MAP2K5: variants seen among roughly 807,000 people sequenced by gnomAD.
MAP2K5 encodes dual specificity mitogen-activated protein kinase kinase 5.
Under a neutral mutation model 83.1 loss-of-function variants are expected in MAP2K5, and 49 were observed. The observed-to-expected ratio is 0.59, with a 90% confidence interval of 0.47 to 0.75. MAP2K5 has a LOEUF of 0.75. Ranked by LOEUF, MAP2K5 falls within the 30% of genes least tolerant of loss-of-function variation. The pLI is 0.00. For synonymous variants in MAP2K5, 202 were observed against 191.8 expected (o/e 1.05, Z -0.44); for missense variants, 457 against 557.5 (o/e 0.82, Z 1.82).
At chr15:67,700,992 T>G (rs938879) in intron 15 of MAP2K5, among the ~76,000 whole-genome samples, 149,285 of 151,968 alleles carry the variant, frequency 0.98, 73,393 homozygotes, top group Middle Eastern at 1. Context: ...TGTTTTGATA[T>G]TTCAGTGGGC....
intron 17 of MAP2K5, among the ~76,000 whole-genome samples, chr15:67,733,946 T>C (rs1393353584): frequency 6.6e-6 from 1 of 152,218 alleles, no homozygotes; most frequent in Admixed American, 6.5e-5. Context: ...TGAGAGGAGC[T>C]GTAGGTGGCA....
rs1324299057 is a variant in MAP2K5 at position 67,724,766 on chromosome 15, C to T, written c.1045-3150C>T. Among the ~76,000 whole-genome samples the T allele has an allele frequency of 6.6e-6, 1 of 152,172 alleles. No homozygotes were observed. The highest frequency in any genetic ancestry group is 6.5e-5 in the Admixed American group (1 of 15,278). ...GGATAGAGGCATACATAGAAGGCAG[C>T]GGTCCTCTCCTGGGGCCTTAAAATG... is the stretch of plus-strand genomic sequence containing the variant. On this transcript the variant is annotated intron_variant, in intron 16 of 21. Coordinates refer to ENST00000178640, the MANE Select transcript of MAP2K5 (RefSeq NM_145160.3). This position sits in a 1 kb window ranked among gnomAD's most constrained non-coding sequence, Gnocchi z 4.4.
At chr15:67,703,911 T>C (rs370654512) in intron 16 of MAP2K5, among the ~76,000 whole-genome samples, 1 of 152,192 alleles carries the variant, frequency 6.6e-6, no homozygotes, top group South Asian at 2.1e-4. Context: ...AATCACCTCA[T>C]TCCAGTATAG....
Position 67,757,499 on chromosome 15 carries a change from G to T in MAP2K5, c.1134+8898G>T, listed in dbSNP as rs986921921. 2.2e-4 allele frequency among the ~76,000 whole-genome samples: 34 copies of T among 152,146 alleles called. No individual in the cohort carries two copies. Among genetic ancestry groups the T allele is most frequent in the Non-Finnish European group, 3.4e-4 (23 of 68,030 alleles). ...TCCCACACACCTGCATAAAAGAACT[G>T]AGAGTTCCATAGATTATAGTTTGAA... On this transcript the variant is annotated intron_variant, in intron 19 of 21. Transcript: ENST00000178640. The surrounding 1 kb of genome is among the most constrained non-coding windows in gnomAD (Gnocchi z 4.9).
At chr15:67,683,660 G>A (rs1596788754) in intron 13 of MAP2K5, among the ~76,000 whole-genome samples, 1 of 152,266 alleles carries the variant, frequency 6.6e-6, no homozygotes. Context: ...TACTCAGGAG[G>A]CTGAGGCAGG....
At chr15:67,710,652 C>T (rs563353097) in intron 16 of MAP2K5, among the ~76,000 whole-genome samples, 69 of 152,082 alleles carry the variant, frequency 4.5e-4, no homozygotes, top group African/African-American at 1.3e-3. Context: ...CACAGGCATG[C>T]GCCACCACGC....
At chr15:67,759,885 G>A (rs2089916452) in intron 19 of MAP2K5, among the ~76,000 whole-genome samples, 1 of 152,218 alleles carries the variant, frequency 6.6e-6, no homozygotes, top group Admixed American at 6.5e-5. Flanking sequence ...GTTAATGACT[G>A]AGGCATTAGA....
intron 9 of MAP2K5, among the ~76,000 whole-genome samples, chr15:67,632,329 G>A (rs1401341568): frequency 6.6e-6 from 1 of 152,008 alleles, no homozygotes; most frequent in Non-Finnish European, 1.5e-5. Context: ...TGAACTCCTG[G>A]GCTTAAGCGA....
intron 3 of MAP2K5, among the ~76,000 whole-genome samples, chr15:67,575,326 G>A (rs953416027): frequency 6.8e-6 from 1 of 148,012 alleles, no homozygotes; most frequent in East Asian, 2.1e-4. Context: ...ACAGGAAACC[G>A]AATGGAGTGG....
intron 3 of MAP2K5, among the ~76,000 whole-genome samples, chr15:67,574,235 G>T (rs1346610255): frequency 6.6e-6 from 1 of 152,136 alleles, no homozygotes; most frequent in African/African-American, 2.4e-5. Context: ...CTGGACTGGT[G>T]AGAAGTTAAC....
intron 17 of MAP2K5, among the ~76,000 whole-genome samples, chr15:67,733,358 G>A (rs1178036075): frequency 6.6e-6 from 1 of 152,126 alleles, no homozygotes; most frequent in Non-Finnish European, 1.5e-5. Context: ...CAGTTTATCT[G>A]TTAAAAATCT....
chr15:67,734,730 G>T (rs2089300463), intron 17 of MAP2K5, among the ~76,000 whole-genome samples: 1 of 152,092 alleles, frequency 6.6e-6, no homozygotes, highest in Non-Finnish European at 1.5e-5. Context: ...TTGAAAAGAG[G>T]TATTAGAATC....
At chr15:67,799,541 C>T (rs2141344175) in intron 21 of MAP2K5, among the ~76,000 whole-genome samples, 1 of 152,370 alleles carries the variant, frequency 6.6e-6, no homozygotes, top group East Asian at 1.9e-4. Context: ...ACAGATGAGA[C>T]CCAGAAATGA....
chr15:67,616,184 C>CAG (rs903818142), intron 8 of MAP2K5, among the ~76,000 whole-genome samples: 2 of 3,412 alleles, frequency 5.9e-4, no homozygotes, highest in African/African-American at 6.9e-4. Flanking sequence ...TAAAATGTCA[C>CAG]ACAGAGCAAA....
chr15:67,789,319 A>G lies in MAP2K5; in HGVS notation c.1242+16567A>G, dbSNP rs537849912. Among the ~76,000 whole-genome samples the G allele has an allele frequency of 2.0e-5, 3 of 152,262 alleles. No individual in the cohort carries two copies. The South Asian group carries it at 6.2e-4, about 32-fold the overall frequency. On this transcript the variant is annotated intron_variant, in intron 21 of 21. Transcript: ENST00000178640. Reference sequence around the variant, plus strand: ...TAAGACAGTGACTGTGTCTCTATGTATACATCTTTGTATACTGGATATGAG... The same window carrying G: ...TAAGACAGTGACTGTGTCTCTATGTGTACATCTTTGTATACTGGATATGAG...
chr15:67,590,901 A>T (rs2085394969), intron 6 of MAP2K5, among the ~76,000 whole-genome samples: 1 of 152,206 alleles, frequency 6.6e-6, no homozygotes, highest in South Asian at 2.1e-4. Flanking sequence ...AAGGGTGAGA[A>T]GAGAGTGGAG....
intron 9 of MAP2K5, among the ~76,000 whole-genome samples, chr15:67,645,673 C>G (rs28565266): frequency 0.25 from 37,470 of 151,760 alleles, 5,599 homozygotes; most frequent in East Asian, 0.6. Context: ...CCCACCTCAG[C>G]CTCCCAAGTA....
rs2089926221 is a variant in MAP2K5 at position 67,760,409 on chromosome 15, A to G, written c.1135-9193A>G. ...AAAAAAAAGTTTTTTTAAACACACA[A>G]TTATATAAAATTAGATTTTATTAAC... On this transcript the variant is annotated intron_variant, in intron 19 of 21. Transcript: ENST00000178640. This position sits in a 1 kb window ranked among gnomAD's most constrained non-coding sequence, Gnocchi z 4.1. 6.6e-6 allele frequency among the ~76,000 whole-genome samples: 1 copy of G among 152,226 alleles called. No individual in the cohort carries two copies.
chr15:67,600,531 A>G (rs1017590941), intron 7 of MAP2K5, among the ~76,000 whole-genome samples, 154 bp from the exon 8 acceptor site: 1 of 152,140 alleles, frequency 6.6e-6, no homozygotes, highest in Non-Finnish European at 1.5e-5. Context: ...GTCTTTTATA[A>G]ATTGGACAGC....
Sources: gnomAD v4.1 joint callset for allele counts (sites outside exome capture counted in the v4.1 genomes callset) on GRCh38, gnomAD v4.1.1 for gene constraint, Gnocchi (gnomAD v3.1) non-coding constraint, MANE v1.5 for transcripts, NCBI Gene and HGNC (gene_info 2026-07-23, HGNC 2026-07-21) for gene names.